The following FAM240B variants were observed in gnomAD, a reference collection of about 807,000 sequenced individuals.
FAM240B encodes family with sequence similarity 240 member B, also known as protein FAM240B.
intron 1 of FAM240B, among the ~76,000 whole-genome samples, chr9:38,719,152 T>G (rs1043928771): frequency 3.9e-5 from 6 of 152,058 alleles, no homozygotes; most frequent in Non-Finnish European, 8.8e-5. Context: ...TCTAGTTGCT[T>G]TGCACATATG....
chr9:38,718,051 C>A (rs1468622887), intron 1 of FAM240B, among the ~76,000 whole-genome samples: 1 of 152,158 alleles, frequency 6.6e-6, no homozygotes, highest in Non-Finnish European at 1.5e-5. Context: ...GCAAGCAGGG[C>A]CATACAATAA....
At chr9:38,696,088 C>G (rs994258424) in intron 2 of FAM240B, among the ~76,000 whole-genome samples, 2 of 152,266 alleles carry the variant, frequency 1.3e-5, no homozygotes, top group South Asian at 4.1e-4. Context: ...GTATTAAACT[C>G]TGCTCGATTA....
intron 2 of FAM240B, among the ~76,000 whole-genome samples, chr9:38,700,366 C>G (rs1321135377): frequency 6.6e-6 from 1 of 151,978 alleles, no homozygotes; most frequent in Admixed American, 6.6e-5. Flanking sequence ...CTTGATGCAC[C>G]CCCAGATTTA....
intron 1 of FAM240B, among the ~76,000 whole-genome samples, chr9:38,706,550 AC>A (rs1303518413): frequency 6.6e-6 from 1 of 151,884 alleles, no homozygotes; most frequent in Non-Finnish European, 1.5e-5. Flanking sequence ...AAGTTAAATG[AC>A]CCCCTTCCAA....
At chr9:38,695,558 A>G (rs1465484249) in intron 2 of FAM240B, among the ~76,000 whole-genome samples, 1 of 152,204 alleles carries the variant, frequency 6.6e-6, no homozygotes, top group African/African-American at 2.4e-5. Context: ...GCTTTTTACA[A>G]ATGAATAAAG....
At position 38,704,767 on chromosome 9, in the gene FAM240B, CTG is replaced by C. The variant is rs1821170203; in HGVS notation, c.-3-767_-3-766del. On this transcript the variant is annotated intron_variant, in intron 1 of 2. Transcript: ENST00000637493. ...ATGTGGGCCGGGCACGCTTTACACA[CTG>C]TGCCATCTGATGCTCACTACAGCTC... 3.9e-5 allele frequency among the ~76,000 whole-genome samples: 6 copies of C among 152,316 alleles called. No individual in the cohort carries two copies. The South Asian group carries it at 1.2e-3, about 32-fold the overall frequency.
intron 1 of FAM240B, among the ~76,000 whole-genome samples, chr9:38,705,024 A>G (rs1358735603): frequency 5.3e-5 from 8 of 152,218 alleles, no homozygotes; most frequent in African/African-American, 1.9e-4. Context: ...AGGGACACAT[A>G]TGTAACCCAA....
At position 38,694,844 on chromosome 9, in the gene FAM240B, G is replaced by A. The variant is rs1451132567; in HGVS notation, c.169C>T (p.Leu57=). The A allele has an allele frequency of 2.5e-6, 1 of 398,828 alleles. No individual in the cohort carries two copies. Among genetic ancestry groups the A allele is most frequent in the Non-Finnish European group, 4.4e-6 (1 of 226,234 alleles). The allele number at this position is 398,828 out of a possible 1,614,324, so 24.7% of individuals were successfully genotyped here. The change falls in exon 3 of 3, where the codon CTG becomes TTG. Residue 57 remains leucine, a synonymous_variant. Coordinates refer to ENST00000637493, the MANE Select transcript of FAM240B (RefSeq NM_001394922.1). Reference sequence around the variant, plus strand: ...TCCAGCATCCTCAGCCTCCTCTCCAGCCTCTGCCTCCATTCTTCTCTGAGT... The same window carrying A: ...TCCAGCATCCTCAGCCTCCTCTCCAACCTCTGCCTCCATTCTTCTCTGAGT... ...KKLREEWRQR[L]ERRLRMLDNP...
chr9:38,697,546 T>C (rs943351722), intron 2 of FAM240B, among the ~76,000 whole-genome samples: 5 of 152,214 alleles, frequency 3.3e-5, no homozygotes, highest in Non-Finnish European at 7.3e-5. Context: ...TAACAGTTCA[T>C]GACAACCAAT....
At chr9:38,709,638 C>G (rs1186575228) in intron 1 of FAM240B, among the ~76,000 whole-genome samples, 1 of 152,130 alleles carries the variant, frequency 6.6e-6, no homozygotes, top group Non-Finnish European at 1.5e-5. Flanking sequence ...AAGGGAAAGC[C>G]GCTGTGATCT....
chr9:38,706,268 G>C (rs1379391746), intron 1 of FAM240B, among the ~76,000 whole-genome samples: 2 of 152,126 alleles, frequency 1.3e-5, no homozygotes, highest in African/African-American at 4.8e-5. Context: ...CAGAGGCATT[G>C]ATAGACAGTG....
intron 1 of FAM240B, among the ~76,000 whole-genome samples, chr9:38,707,494 C>T (rs554104305): frequency 4.0e-5 from 6 of 151,800 alleles, no homozygotes; most frequent in African/African-American, 9.7e-5. Flanking sequence ...CTGGGCCAGA[C>T]GTGGTGGCTC....
intron 1 of FAM240B, among the ~76,000 whole-genome samples, chr9:38,710,635 C>A (rs1821243946): frequency 6.6e-6 from 1 of 152,180 alleles, no homozygotes; most frequent in Non-Finnish European, 1.5e-5. Flanking sequence ...CTCAGCCCTG[C>A]AACGACAGGG....
chr9:38,716,617 A>G (rs1451293348), intron 1 of FAM240B, among the ~76,000 whole-genome samples: 1 of 152,222 alleles, frequency 6.6e-6, no homozygotes, highest in Non-Finnish European at 1.5e-5. Flanking sequence ...AGAAAATGTT[A>G]TATTCTGCTC....
At chr9:38,697,866 T>C (rs1821085397) in intron 2 of FAM240B, among the ~76,000 whole-genome samples, 2 of 152,244 alleles carry the variant, frequency 1.3e-5, no homozygotes, top group Non-Finnish European at 2.9e-5. Flanking sequence ...TCATGGAAGT[T>C]GGCAAACACT....
At chr9:38,705,026 G>A (rs1431839806) in intron 1 of FAM240B, among the ~76,000 whole-genome samples, 1 of 152,220 alleles carries the variant, frequency 6.6e-6, no homozygotes, top group Non-Finnish European at 1.5e-5. Flanking sequence ...GGACACATAT[G>A]TAACCCAAAA....
intron 2 of FAM240B, among the ~76,000 whole-genome samples, chr9:38,696,500 G>C (rs907364773): frequency 1.3e-5 from 2 of 152,144 alleles, no homozygotes; most frequent in Non-Finnish European, 2.9e-5. Context: ...TGAGCAAGCA[G>C]GGCCTGAAAG....
chr9:38,714,551 C>G (rs62567677), intron 1 of FAM240B, among the ~76,000 whole-genome samples: 21,512 of 152,140 alleles, frequency 0.14, 1,751 homozygotes, highest in East Asian at 0.24. Flanking sequence ...ACAAATACCC[C>G]CTTAAATAAG....
At chr9:38,698,294 G>A (rs1239096817) in intron 2 of FAM240B, among the ~76,000 whole-genome samples, 3 of 152,178 alleles carry the variant, frequency 2.0e-5, no homozygotes, top group African/African-American at 7.2e-5. Context: ...CTTCTTTTCT[G>A]AATTGGATAG....
Sources: allele counts gnomAD v4.1 joint callset (sites outside exome capture counted in the v4.1 genomes callset), GRCh38; gene constraint gnomAD v4.1.1; transcripts MANE v1.5; gene names NCBI Gene and HGNC (gene_info 2026-07-23, HGNC 2026-07-21).